WFDC10B: variants seen among roughly 807,000 people sequenced by gnomAD.
WFDC10B encodes the protein protein WFDC10B.
A neutral mutation model predicts 2.7 loss-of-function variants in WFDC10B; 1 was observed. The observed-to-expected ratio is 0.38, with a 90% CI of 0.13 to 1.79. The LOEUF is 1.79. Among genes scored for constraint, WFDC10B ranks in the 40% most tolerant of loss-of-function variants. WFDC10B has a pLI of 0.33. For missense variants in WFDC10B, 71 were observed against 87.8 expected (o/e 0.81, Z 0.76); for synonymous variants, 26 against 32.2 (o/e 0.81, Z 0.65).
rs1362758629 is a variant in WFDC10B, at chr20:45,685,957, G to A, written c.36C>T (p.Leu12=). 6.2e-7 allele frequency: 1 copy of A among 1,614,180 alleles called. No homozygotes were observed. Among genetic ancestry groups the A allele is most frequent in the African/African-American group, 1.3e-5 (1 of 75,064 alleles). The change falls in exon 3 of 4, where the codon CTC becomes CTT. Residue 12 remains leucine, a synonymous_variant. Transcript: ENST00000330523. ...APQTLLLVLV[L]CVLLLQAQGG... ...CCTGGGCCTGCAGCAGCAGCACACA[G>A]AGAACCAGGACAAGCAGCAGAGTCT...
chr20:45,701,286 C>A (rs753735352), intron 2 of WFDC10B, among the ~76,000 whole-genome samples: 2 of 151,942 alleles, frequency 1.3e-5, no homozygotes, highest in Non-Finnish European at 2.9e-5. Context: ...AAGTAAACGC[C>A]TATAGGGGAG....
intron 2 of WFDC10B, among the ~76,000 whole-genome samples, chr20:45,701,322 T>G (rs765138198): frequency 2.0e-5 from 3 of 152,070 alleles, no homozygotes; most frequent in Non-Finnish European, 4.4e-5. Flanking sequence ...AAGTGAAGAG[T>G]CAATGTTTAT....
rs751647034 is a variant in WFDC10B at position 45,704,955 on chromosome 20, C to G, written c.-167G>C. ...CCAAAATCCCAAAGCAAAATTTGTC[C>G]TACACTTTTGCTTGCCCTCCTTTCA... is the stretch of plus-strand genomic sequence containing the variant. On this transcript the variant is annotated 5_prime_UTR_variant, in exon 1 of 4. Coordinates refer to ENST00000330523, the MANE Select transcript of WFDC10B (RefSeq NM_172006.2). 3.1e-6 allele frequency: 5 copies of G among 1,614,002 alleles called. No individual in the cohort carries two copies. In the Admixed American group the frequency reaches 6.7e-5, roughly 22 times the overall value.
At chr20:45,699,044 G>C (rs1448605984) in intron 2 of WFDC10B, among the ~76,000 whole-genome samples, 1 of 151,708 alleles carries the variant, frequency 6.6e-6, no homozygotes, top group Non-Finnish European at 1.5e-5. Flanking sequence ...AACATCATTA[G>C]TTATTAGGGA....
intron 2 of WFDC10B, among the ~76,000 whole-genome samples, chr20:45,693,614 G>T (rs1983887800): frequency 6.6e-6 from 1 of 152,130 alleles, no homozygotes; most frequent in Non-Finnish European, 1.5e-5. Context: ...GACTCGGTGG[G>T]CATAGGACCC....
chr20:45,703,328 T>C (rs1984248560), intron 2 of WFDC10B, among the ~76,000 whole-genome samples: 2 of 152,214 alleles, frequency 1.3e-5, no homozygotes, highest in Admixed American at 6.5e-5. Flanking sequence ...TATTGGTCTC[T>C]GTTAAATTGT....
chr20:45,692,522 G>T (rs926116813), intron 2 of WFDC10B, among the ~76,000 whole-genome samples: 3 of 152,122 alleles, frequency 2.0e-5, no homozygotes, highest in Non-Finnish European at 4.4e-5. Context: ...TTTCTTGGAG[G>T]CTTTGTTCAT....
rs187672985 is a variant in WFDC10B at position 45,690,786 on chromosome 20, G to A, written c.-64-4730C>T. Among the ~76,000 whole-genome samples the A allele has an allele frequency of 3.3e-5, 5 of 152,112 alleles. No individual in the cohort carries two copies. The East Asian group carries it at 9.7e-4, about 29-fold the overall frequency. On this transcript the variant is annotated intron_variant, in intron 2 of 3. Coordinates refer to ENST00000330523, the MANE Select transcript of WFDC10B (RefSeq NM_172006.2). Reference sequence around the variant, plus strand: ...TTTTGTTGATCCTTTCAAAAAACCAGCTCCTAGATTCATTAAATTTTTGAA... The same window carrying A: ...TTTTGTTGATCCTTTCAAAAAACCAACTCCTAGATTCATTAAATTTTTGAA...
chr20:45,690,323 C>T (rs1366535650), intron 2 of WFDC10B, among the ~76,000 whole-genome samples: 19 of 151,794 alleles, frequency 1.3e-4, no homozygotes, highest in South Asian at 8.3e-4. Flanking sequence ...TGTCTCTGCC[C>T]GGCTTTGGTA....
chr20:45,692,212 G>A (rs1458335086), intron 2 of WFDC10B, among the ~76,000 whole-genome samples: 1 of 152,118 alleles, frequency 6.6e-6, no homozygotes, highest in African/African-American at 2.4e-5. Flanking sequence ...TCCACTGTTA[G>A]TCTGATGGGC....
chr20:45,686,972 T>G (rs937347212), intron 2 of WFDC10B, among the ~76,000 whole-genome samples: 4 of 152,168 alleles, frequency 2.6e-5, no homozygotes, highest in African/African-American at 9.7e-5. Context: ...AATTATAAAT[T>G]ATTCTTATCA....
intron 2 of WFDC10B, among the ~76,000 whole-genome samples, chr20:45,697,130 A>G (rs1198137053): frequency 6.6e-6 from 1 of 152,214 alleles, no homozygotes; most frequent in Admixed American, 6.5e-5. Context: ...GCAATCAAGT[A>G]ATAAAAAGAA....
At chr20:45,702,865 T>C (rs1984223963) in intron 2 of WFDC10B, among the ~76,000 whole-genome samples, 1 of 152,202 alleles carries the variant, frequency 6.6e-6, no homozygotes, top group Non-Finnish European at 1.5e-5. Context: ...CTGTTATTCA[T>C]CATACATCCA....
chr20:45,697,612 A>G (rs1984016830), intron 2 of WFDC10B, among the ~76,000 whole-genome samples: 1 of 152,070 alleles, frequency 6.6e-6, no homozygotes, highest in Non-Finnish European at 1.5e-5. Context: ...TTGGCCTCTC[A>G]AAGTGCTGAG....
chr20:45,687,452 G>A (rs1983657492), intron 2 of WFDC10B, among the ~76,000 whole-genome samples: 2 of 152,214 alleles, frequency 1.3e-5, no homozygotes, highest in South Asian at 4.1e-4. Context: ...TTGCTATTGT[G>A]AATAGTGCTG....
chr20:45,696,643 T>C (rs1458096321), intron 2 of WFDC10B, among the ~76,000 whole-genome samples: 2 of 152,094 alleles, frequency 1.3e-5, no homozygotes, highest in South Asian at 2.1e-4. Context: ...ACAAATTAGA[T>C]AACCTTGGAT....
intron 2 of WFDC10B, among the ~76,000 whole-genome samples, chr20:45,702,550 C>T (rs1022517617): frequency 3.3e-5 from 5 of 152,162 alleles, no homozygotes; most frequent in African/African-American, 9.7e-5. Context: ...TCTTGCTGCC[C>T]GTGGCTCCTT....
chr20:45,702,141 T>C (rs763083814), intron 2 of WFDC10B: 1 of 1,613,342 alleles, frequency 6.2e-7, no homozygotes, highest in Non-Finnish European at 8.5e-7. Context: ...CTGTGCTGCC[T>C]CTCCAGTTCC....
intron 1 of WFDC10B, 90 bp from the exon 2 acceptor site, chr20:45,704,651 G>A (rs1568675965): frequency 4.4e-6 from 7 of 1,590,678 alleles, no homozygotes; most frequent in Admixed American, 3.5e-5. Context: ...GAGCCCAGCA[G>A]AAGAGTCCCT....
Sources: allele counts gnomAD v4.1 joint callset (sites outside exome capture counted in the v4.1 genomes callset), GRCh38; gene constraint gnomAD v4.1.1; transcripts MANE v1.5; gene names NCBI Gene and HGNC (gene_info 2026-07-23, HGNC 2026-07-21).